Variants in MAPKAP1 observed in about 807,000 individuals in gnomAD.
MAPKAP1 encodes target of rapamycin complex 2 subunit MAPKAP1.
Under a neutral mutation model 65.7 loss-of-function variants are expected in MAPKAP1, and 20 were observed. That is an observed-to-expected ratio of 0.30 (90% CI 0.21 to 0.44). The LOEUF (loss-of-function observed/expected upper bound fraction) is 0.44, where lower values mean the gene tolerates loss of function less well. MAPKAP1 is among the 20% of genes least tolerant of loss of function. The pLI, the probability that MAPKAP1 is intolerant of heterozygous loss-of-function variation, is 1.00. For missense variants in MAPKAP1, 423 were observed against 648.0 expected (o/e 0.65, Z 3.77); for synonymous variants, 222 against 244.3 (o/e 0.91, Z 0.85).
At chr9:125,668,332 T>A (rs913088414) in intron 3 of MAPKAP1, among the ~76,000 whole-genome samples, 3 of 152,194 alleles carry the variant, frequency 2.0e-5, no homozygotes, top group African/African-American at 4.8e-5. Flanking sequence ...CAACGATACC[T>A]ACACCTTGCA....
rs866778871 is a variant in MAPKAP1, at chr9:125,442,839, T to G, written c.1443+1662A>C. Among the ~76,000 whole-genome samples, 5 of 152,350 alleles carry G rather than the reference T, an allele frequency of 3.3e-5. 1 individual carries two copies. In the South Asian group the frequency reaches 1.0e-3, roughly 32 times the overall value. ...TGCTACCTACTCCTTTTGAAAATCT[T>G]TTGCAGCCATGGGGAATGTGTCTCA... On this transcript the variant is annotated intron_variant, in intron 11 of 11. Transcript: ENST00000265960.
chr9:125,652,093 T>C (rs1364945008), intron 4 of MAPKAP1: 1 of 1,255,854 alleles, frequency 8.0e-7, no homozygotes, highest in Admixed American at 2.2e-5. Flanking sequence ...AATTTTTCTT[T>C]TTACGTGATT....
In MAPKAP1 at chr9:125,438,853, G is replaced by C; in HGVS notation, c.*34C>G. On this transcript the variant is annotated 3_prime_UTR_variant, in exon 12 of 12. Coordinates refer to ENST00000265960, the MANE Select transcript of MAPKAP1 (RefSeq NM_001006617.3). ...CACTTGGCCCTGGCAGGCAGGCTCTGAGCTACGGAACAGATTGAGGCTGGA... is the reference window on the plus strand; with the variant it reads ...CACTTGGCCCTGGCAGGCAGGCTCTCAGCTACGGAACAGATTGAGGCTGGA... 1.9e-6 allele frequency: 3 copies of C among 1,613,654 alleles called. No individual in the cohort carries two copies. The highest frequency in any genetic ancestry group is 1.7e-6 in the Non-Finnish European group (2 of 1,179,794).
intron 1 of MAPKAP1, among the ~76,000 whole-genome samples, chr9:125,678,253 A>AT (rs1225632619): frequency 1.4e-4 from 20 of 146,908 alleles, no homozygotes; most frequent in Non-Finnish European, 7.5e-5. Flanking sequence ...ATTTTTATTT[A>AT]TTTTTTTTTG....
At chr9:125,535,590 G>C (rs543797074) in intron 7 of MAPKAP1, among the ~76,000 whole-genome samples, 1 of 152,198 alleles carries the variant, frequency 6.6e-6, no homozygotes, top group East Asian at 1.9e-4. Context: ...TCCTCACTCA[G>C]CCTCTCCCAT....
At chr9:125,450,893 G>A (rs149707456) in intron 10 of MAPKAP1, among the ~76,000 whole-genome samples, 19 of 152,328 alleles carry the variant, frequency 1.2e-4, no homozygotes, top group Admixed American at 6.5e-4. Context: ...CCTCTCCACC[G>A]TAAGCAACAG....
intron 10 of MAPKAP1, among the ~76,000 whole-genome samples, chr9:125,457,027 T>C (rs1239317553): frequency 6.6e-6 from 1 of 150,802 alleles, no homozygotes; most frequent in Non-Finnish European, 1.5e-5. Context: ...CTCACTCTGC[T>C]GTCCAGGCTG....
chr9:125,696,823 AT>A (rs1835400854), intron 1 of MAPKAP1, among the ~76,000 whole-genome samples: 1 of 152,204 alleles, frequency 6.6e-6, no homozygotes, highest in Non-Finnish European at 1.5e-5. Flanking sequence ...CAATTCATGA[AT>A]CGCTGTTTGT....
intron 5 of MAPKAP1, among the ~76,000 whole-genome samples, chr9:125,579,214 C>T (rs1411685613): frequency 6.6e-6 from 1 of 152,208 alleles, no homozygotes; most frequent in African/African-American, 2.4e-5. Context: ...CCAAGAATTC[C>T]TGCCAAATTC....
At chr9:125,518,757 C>T (rs772317583) in intron 7 of MAPKAP1, among the ~76,000 whole-genome samples, 9 of 152,150 alleles carry the variant, frequency 5.9e-5, no homozygotes, top group Non-Finnish European at 1.2e-4. Flanking sequence ...ACAGAGTAGG[C>T]TACATGTTAG....
intron 1 of MAPKAP1, among the ~76,000 whole-genome samples, chr9:125,699,986 C>CA (rs1192910859): frequency 6.6e-6 from 1 of 152,186 alleles, no homozygotes; most frequent in Non-Finnish European, 1.5e-5. Flanking sequence ...ACAGTACTTA[C>CA]AAGGTACTTA....
chr9:125,693,662 C>CGT (rs1157778497), intron 1 of MAPKAP1, among the ~76,000 whole-genome samples: 2 of 141,910 alleles, frequency 1.4e-5, no homozygotes, highest in African/African-American at 5.3e-5. Context: ...TATACATACA[C>CGT]ACACATATAC....
intron 4 of MAPKAP1, among the ~76,000 whole-genome samples, chr9:125,622,637 G>C (rs1288661138): frequency 6.6e-6 from 1 of 151,962 alleles, no homozygotes; most frequent in African/African-American, 2.4e-5. Context: ...GTAGAGAAAG[G>C]GTTTCACCAC....
chr9:125,452,116 T>C (rs1852978688), intron 10 of MAPKAP1, among the ~76,000 whole-genome samples: 1 of 151,610 alleles, frequency 6.6e-6, no homozygotes, highest in East Asian at 2.0e-4. Flanking sequence ...GCCCGTTTTT[T>C]TGAGACAGAG....
chr9:125,667,354 C>T (rs1851537084), intron 3 of MAPKAP1, among the ~76,000 whole-genome samples: 1 of 152,186 alleles, frequency 6.6e-6, no homozygotes, highest in Admixed American at 6.5e-5. Flanking sequence ...CAGTCTCGCT[C>T]TGTTGCCCAG....
intron 4 of MAPKAP1, among the ~76,000 whole-genome samples, chr9:125,645,093 C>T (rs1428282903): frequency 6.6e-6 from 1 of 151,876 alleles, no homozygotes; most frequent in African/African-American, 2.4e-5. Context: ...AAAAAGTAAC[C>T]GTCACCAAAA....
At chr9:125,455,492 A>C (rs1401047772) in intron 10 of MAPKAP1, among the ~76,000 whole-genome samples, 2 of 152,272 alleles carry the variant, frequency 1.3e-5, no homozygotes, top group Non-Finnish European at 2.9e-5. Context: ...TTGTAGATAC[A>C]CAAGAAGAGA....
intron 1 of MAPKAP1, among the ~76,000 whole-genome samples, chr9:125,677,677 G>C (rs1298947344): frequency 6.6e-6 from 1 of 152,092 alleles, no homozygotes; most frequent in Admixed American, 6.6e-5. Flanking sequence ...TTGGGCGAGA[G>C]AGCAAGATTC....
chr9:125,697,052 T>C (rs1835408057), intron 1 of MAPKAP1, among the ~76,000 whole-genome samples: 1 of 152,202 alleles, frequency 6.6e-6, no homozygotes, highest in Non-Finnish European at 1.5e-5. Context: ...GAAGAGGTGA[T>C]GGTAGCACCG....
Sources: gnomAD v4.1 joint callset for allele counts (sites outside exome capture counted in the v4.1 genomes callset) on GRCh38, gnomAD v4.1.1 for gene constraint, MANE v1.5 for transcripts, NCBI Gene and HGNC (gene_info 2026-07-23, HGNC 2026-07-21) for gene names.